The following GLIS1 variants were observed in gnomAD, a reference collection of about 807,000 sequenced individuals.
GLIS1 encodes the protein zinc finger protein GLIS1.
In GLIS1, 24 loss-of-function variants were observed where a neutral mutation model predicts 63.8. The ratio of observed to expected loss-of-function variants is 0.38; its 90% CI spans 0.27 to 0.53. GLIS1 has a LOEUF of 0.53. Among genes scored for constraint, GLIS1 ranks in the 20% least tolerant of loss-of-function variants. The pLI is 0.85. For missense variants in GLIS1, 1,036 were observed against 1,074.1 expected, an observed-to-expected ratio of 0.96 and a Z score of 0.50; for synonymous variants, 450 against 482.5, an observed-to-expected ratio of 0.93 and a Z score of 0.88.
At chr1:53,676,387 G>A (rs72896786) in intron 2 of GLIS1, among the ~76,000 whole-genome samples, 11,901 of 152,176 alleles carry the variant, frequency 0.078, 817 homozygotes, top group African/African-American at 0.19. Context: ...TGGGCTAAGG[G>A]CTGGGCTACC....
intron 2 of GLIS1, among the ~76,000 whole-genome samples, chr1:53,643,237 C>T (rs1645806253): frequency 6.6e-6 from 1 of 152,192 alleles, no homozygotes; most frequent in Admixed American, 6.5e-5. Flanking sequence ...TACACTTGGG[C>T]CGCTTCTCTC....
chr1:53,606,994 C>T lies in GLIS1; in HGVS notation c.260-6716G>A, dbSNP rs1259593338. Reference sequence around the variant, plus strand: ...CAGGGCCAGAGTGAGCAGCCCAGGGCGGGTCACACATGTGGGGGCAGGTGT... The same window carrying T: ...CAGGGCCAGAGTGAGCAGCCCAGGGTGGGTCACACATGTGGGGGCAGGTGT... On this transcript the variant is annotated intron_variant, in intron 2 of 10. Coordinates refer to ENST00000628545, the MANE Select transcript of GLIS1 (RefSeq NM_001367484.1). Among the ~76,000 whole-genome samples the T allele has an allele frequency of 5.9e-5, 9 of 152,170 alleles. 1 individual carries two copies. In the South Asian group the frequency reaches 6.2e-4, roughly 11 times the overall value.
At chr1:53,662,730 T>C (rs1022896184) in intron 2 of GLIS1, among the ~76,000 whole-genome samples, 2 of 152,054 alleles carry the variant, frequency 1.3e-5, no homozygotes, top group Admixed American at 1.3e-4. Flanking sequence ...CCTCCAAACC[T>C]ATGCCTCCTT....
In GLIS1 at chr1:53,560,283, C is replaced by T. The variant is rs982829839; in HGVS notation, c.1321-30331G>A. Among the ~76,000 whole-genome samples, 7 of 152,204 alleles carry T rather than the reference C, an allele frequency of 4.6e-5. No homozygotes were observed. Among genetic ancestry groups the T allele is most frequent in the African/African-American group, 1.4e-4 (6 of 41,462 alleles). The stretch of plus-strand genomic sequence containing the variant: ...GGGCAGCAGCTGTGTTGACTCATCT[C>T]TGTCCCAGCACTGAGGGAAGACAAG... On this transcript the variant is annotated intron_variant, in intron 4 of 10. Transcript: ENST00000628545. This position sits in a 1 kb window ranked among gnomAD's most constrained non-coding sequence, Gnocchi z 4.4.
chr1:53,528,205 C>A (rs1644492038), intron 5 of GLIS1, among the ~76,000 whole-genome samples: 1 of 152,218 alleles, frequency 6.6e-6, no homozygotes, highest in African/African-American at 2.4e-5. Context: ...CTCCTCACTT[C>A]ATGTCCGTAG....
chr1:53,576,264 C>A (rs986688668), intron 4 of GLIS1, among the ~76,000 whole-genome samples: 1 of 152,150 alleles, frequency 6.6e-6, no homozygotes, highest in Non-Finnish European at 1.5e-5. Flanking sequence ...CTCCTCAATG[C>A]CCCCTCCCAG....
chr1:53,723,944 C>G (rs976933128), intron 2 of GLIS1, among the ~76,000 whole-genome samples: 2 of 152,210 alleles, frequency 1.3e-5, no homozygotes, highest in African/African-American at 4.8e-5. Context: ...CAGGGGTGAG[C>G]TGGCTCTGGG....
At chr1:53,720,867 C>T (rs1050571485) in intron 2 of GLIS1, among the ~76,000 whole-genome samples, 10 of 151,982 alleles carry the variant, frequency 6.6e-5, no homozygotes, top group African/African-American at 2.2e-4. Flanking sequence ...GCATGGTAGC[C>T]GGAGTCTGTA....
chr1:53,700,545 G>A (rs1557529493), intron 2 of GLIS1, among the ~76,000 whole-genome samples: 1 of 152,210 alleles, frequency 6.6e-6, no homozygotes, highest in South Asian at 2.1e-4. Context: ...TGGAGCATGC[G>A]TGAGGGTGGG....
intron 4 of GLIS1, among the ~76,000 whole-genome samples, chr1:53,553,309 A>G (rs2100409648): frequency 6.6e-6 from 1 of 152,046 alleles, no homozygotes; most frequent in African/African-American, 2.4e-5. Context: ...TGGTTCGCAT[A>G]CCTGCTGAGA....
chr1:53,736,855 G>A (rs1300632117), intron 2 of GLIS1, among the ~76,000 whole-genome samples: 9 of 152,176 alleles, frequency 5.9e-5, no homozygotes, highest in Admixed American at 5.2e-4. Context: ...GCTGATGCTA[G>A]GAAGTGATGC....
At chr1:53,723,777 A>C (rs999341552) in intron 2 of GLIS1, among the ~76,000 whole-genome samples, 6 of 152,236 alleles carry the variant, frequency 3.9e-5, no homozygotes, top group Non-Finnish European at 5.9e-5. Flanking sequence ...AGAGTATTAA[A>C]TTAAATTACC....
At chr1:53,561,451 T>C (rs532886134) in intron 4 of GLIS1, among the ~76,000 whole-genome samples, 1 of 152,340 alleles carries the variant, frequency 6.6e-6, no homozygotes, top group East Asian at 1.9e-4. Context: ...CAATCTTTTT[T>C]CAAACAGGCA....
At chr1:53,684,037 A>C (rs916755332) in intron 2 of GLIS1, among the ~76,000 whole-genome samples, 3 of 152,116 alleles carry the variant, frequency 2.0e-5, no homozygotes, top group Non-Finnish European at 4.4e-5. Flanking sequence ...TGGAGTAGAG[A>C]TGGAGAGCAG....
intron 2 of GLIS1, among the ~76,000 whole-genome samples, chr1:53,735,088 C>G (rs1205219132): frequency 2.6e-5 from 4 of 152,214 alleles, no homozygotes; most frequent in African/African-American, 9.6e-5. Context: ...TAGGGACTGT[C>G]TGAGGCAGGC....
chr1:53,530,282 C>A (rs12036877), intron 4 of GLIS1, among the ~76,000 whole-genome samples: 11,598 of 152,292 alleles, frequency 0.076, 1,110 homozygotes, highest in East Asian at 0.49. Flanking sequence ...CAGCACAGCC[C>A]CGAATCAGGG....
At chr1:53,725,447 C>G (rs1276059304) in intron 2 of GLIS1, among the ~76,000 whole-genome samples, 6 of 152,144 alleles carry the variant, frequency 3.9e-5, no homozygotes, top group Non-Finnish European at 5.9e-5. Flanking sequence ...CAGACCAAGG[C>G]TGGGTGAGAC....
At chr1:53,730,693 G>A (rs987323866) in intron 2 of GLIS1, among the ~76,000 whole-genome samples, 1 of 152,074 alleles carries the variant, frequency 6.6e-6, no homozygotes. Context: ...AAAACACCTC[G>A]GACCAGAACG....
In GLIS1 at chr1:53,594,934, A is replaced by C. The variant is rs761060835; in HGVS notation, c.494T>G (p.Ile165Ser). 2.0e-6 allele frequency: 3 copies of C among 1,494,694 alleles called. No homozygotes were observed. The South Asian group carries it at 4.1e-5, about 20-fold the overall frequency. The allele number at this position is 1,494,694 out of a possible 1,614,324, so 92.6% of individuals were successfully genotyped here. A position where few individuals can be genotyped will look rare whatever the true frequency, so the allele number is the denominator to read the frequency against. ...GTAGTCGGGCAAGGACTCCTGTTTG[A>C]TGTGTTGTGTGGTTGGGAGGCTGCC... ...VNGSLPTTQHIKQESLPDYQA... is the reference protein window; with the variant it reads ...VNGSLPTTQHSKQESLPDYQA... Residue 165 changes from isoleucine (I) to serine (S), a missense_variant, in exon 4 of 11, where the codon ATC (isoleucine) becomes AGC (serine). This residue lies in a region of GLIS1 where 592 missense variants were observed against 593.9 expected (regional missense o/e 1.00). Coordinates refer to ENST00000628545, the MANE Select transcript of GLIS1 (RefSeq NM_001367484.1).
Sources: gnomAD v4.1 joint callset for allele counts (sites outside exome capture counted in the v4.1 genomes callset) on GRCh38, gnomAD v4.1.1 for gene constraint, gnomAD v4.1.1 regional missense constraint, Gnocchi (gnomAD v3.1) non-coding constraint, MANE v1.5 for transcripts, NCBI Gene and HGNC (gene_info 2026-07-23, HGNC 2026-07-21) for gene names.